SND1: variants seen among roughly 807,000 people sequenced by gnomAD.
SND1 encodes the protein staphylococcal nuclease and tudor domain containing 1, also known as staphylococcal nuclease domain-containing protein 1.
SND1 carries 38 observed loss-of-function variants against 121.7 expected under a neutral mutation model. The ratio of observed to expected loss-of-function variants is 0.31; its 90% CI spans 0.24 to 0.41. The LOEUF (loss-of-function observed/expected upper bound fraction) is 0.41, where lower values mean the gene tolerates loss of function less well. Ranked by LOEUF, SND1 falls within the 10% of genes least tolerant of loss-of-function variation. The pLI, the probability that SND1 is intolerant of heterozygous loss-of-function variation, is 1.00. For missense variants in SND1, 868 were observed against 1,184.6 expected (o/e 0.73, Z 3.92); for synonymous variants, 401 against 447.4 (o/e 0.90, Z 1.31).
intron 13 of SND1, among the ~76,000 whole-genome samples, chr7:127,901,973 A>G (rs951058260): frequency 1.3e-5 from 2 of 152,194 alleles, no homozygotes; most frequent in Admixed American, 6.5e-5. Context: ...TATGTATACT[A>G]TTATCCACGT....
chr7:127,738,165 G>A (rs7808161), intron 10 of SND1, among the ~76,000 whole-genome samples: 9,859 of 151,702 alleles, frequency 0.065, 412 homozygotes, highest in Middle Eastern at 0.19. Flanking sequence ...CTTTCTCACT[G>A]TGGGCAGCTT....
At chr7:127,796,677 G>A (rs1798033131) in intron 10 of SND1, among the ~76,000 whole-genome samples, 1 of 152,114 alleles carries the variant, frequency 6.6e-6, no homozygotes, top group African/African-American at 2.4e-5. Flanking sequence ...TAAAACTTAA[G>A]CTAAGTAGCT....
intron 12 of SND1, among the ~76,000 whole-genome samples, chr7:127,862,617 TC>T (rs1799400678): frequency 2.6e-5 from 4 of 152,272 alleles, no homozygotes; most frequent in Admixed American, 6.5e-5. Context: ...CCTTCATTAA[TC>T]CTGGTATTCT....
chr7:127,655,783 G>T (rs1361973781), intron 1 of SND1, among the ~76,000 whole-genome samples: 1 of 152,060 alleles, frequency 6.6e-6, no homozygotes, highest in Non-Finnish European at 1.5e-5. Flanking sequence ...CTTTGAGATG[G>T]CTATTTTCTC....
chr7:127,700,593 G>A (rs190518492), intron 4 of SND1, among the ~76,000 whole-genome samples: 4 of 152,302 alleles, frequency 2.6e-5, no homozygotes, highest in South Asian at 2.1e-4. Flanking sequence ...GGCTGCTCTA[G>A]TACATAGTTT....
intron 9 of SND1, among the ~76,000 whole-genome samples, chr7:127,711,930 T>A (rs1796304670): frequency 6.6e-6 from 1 of 152,146 alleles, no homozygotes; most frequent in Admixed American, 6.5e-5. Context: ...ATCTCTTAGC[T>A]TTCTGCGAAA....
At chr7:128,073,176 G>A (rs555050908) in intron 16 of SND1, among the ~76,000 whole-genome samples, 5 of 152,268 alleles carry the variant, frequency 3.3e-5, no homozygotes, top group African/African-American at 1.2e-4. Flanking sequence ...GGGGAAACCT[G>A]GATTCTGCTC....
intron 16 of SND1, among the ~76,000 whole-genome samples, chr7:128,039,708 CCTGTCATTTT>C (rs1792815125): frequency 6.6e-6 from 1 of 152,132 alleles, no homozygotes; most frequent in African/African-American, 2.4e-5. Context: ...TACACATAAG[CCTGTCATTTT>C]CAAATTGGCT....
At chr7:128,069,220 G>A (rs942283877) in intron 16 of SND1, among the ~76,000 whole-genome samples, 1 of 152,194 alleles carries the variant, frequency 6.6e-6, no homozygotes, top group African/African-American at 2.4e-5. Context: ...GAATAAAGGA[G>A]CTCATTAAGC....
At chr7:127,915,412 C>T (rs1049012280) in intron 14 of SND1, among the ~76,000 whole-genome samples, 1 of 152,168 alleles carries the variant, frequency 6.6e-6, no homozygotes, top group Non-Finnish European at 1.5e-5. Context: ...TCCTACCGCT[C>T]CCTCTCCTGA....
At chr7:127,936,615 A>G (rs1270673813) in intron 15 of SND1, among the ~76,000 whole-genome samples, 2 of 151,904 alleles carry the variant, frequency 1.3e-5, no homozygotes, top group East Asian at 1.9e-4. Context: ...TGGCCCCATC[A>G]TAGCTCACTG....
intron 15 of SND1, among the ~76,000 whole-genome samples, chr7:127,935,746 G>A (rs143558643): frequency 6.6e-6 from 1 of 152,326 alleles, no homozygotes; most frequent in African/African-American, 2.4e-5. Flanking sequence ...GATATCTGCC[G>A]TATGCACCCT....
At chr7:127,774,118 A>G (rs1274751272) in intron 10 of SND1, among the ~76,000 whole-genome samples, 1 of 152,196 alleles carries the variant, frequency 6.6e-6, no homozygotes, top group African/African-American at 2.4e-5. Flanking sequence ...CTCAGGCAGT[A>G]GGTATTTTAG....
chr7:128,079,487 G>GCTATTT (rs1584777506), intron 17 of SND1, among the ~76,000 whole-genome samples: 2 of 152,378 alleles, frequency 1.3e-5, no homozygotes, highest in East Asian at 3.9e-4. Context: ...AAGGTGAGAA[G>GCTATTT]GGGTCAGGAA....
At chr7:127,661,177 T>C (rs1236596101) in intron 1 of SND1, among the ~76,000 whole-genome samples, 1 of 152,184 alleles carries the variant, frequency 6.6e-6, no homozygotes, top group African/African-American at 2.4e-5. Context: ...GCTTTGTTTT[T>C]AATTTGTGGC....
At chr7:128,011,950 C>A (rs533470527) in intron 16 of SND1, among the ~76,000 whole-genome samples, 2 of 152,098 alleles carry the variant, frequency 1.3e-5, no homozygotes, top group East Asian at 3.9e-4. Context: ...TCATTAGTAT[C>A]CTATTTTCAG....
intron 10 of SND1, among the ~76,000 whole-genome samples, chr7:127,776,419 T>C (rs1797621305): frequency 6.6e-6 from 1 of 151,998 alleles, no homozygotes; most frequent in Non-Finnish European, 1.5e-5. Flanking sequence ...TGATGTAAAA[T>C]GGTGTGTAAC....
chr7:127,684,707 G>A (rs1171788252), intron 1 of SND1, among the ~76,000 whole-genome samples: 1 of 152,084 alleles, frequency 6.6e-6, no homozygotes. Context: ...AAGTTTTAGG[G>A]TTTAATTGCT....
chr7:127,993,390 C>G (rs1407682745), intron 16 of SND1, among the ~76,000 whole-genome samples: 2 of 152,242 alleles, frequency 1.3e-5, no homozygotes, highest in Non-Finnish European at 2.9e-5. Flanking sequence ...AGGAAAGTCC[C>G]AGTACATTGG....
Sources: gnomAD v4.1 joint callset for allele counts (sites outside exome capture counted in the v4.1 genomes callset) on GRCh38, gnomAD v4.1.1 for gene constraint, MANE v1.5 for transcripts, NCBI Gene and HGNC (gene_info 2026-07-23, HGNC 2026-07-21) for gene names.